Variants in CDK14 observed in about 807,000 individuals in gnomAD.
CDK14 encodes the protein cyclin-dependent kinase 14.
Under a neutral mutation model 60.7 loss-of-function variants are expected in CDK14, and 34 were observed. That is an observed-to-expected ratio of 0.56 (90% CI 0.43 to 0.75). CDK14 has a LOEUF of 0.75. Among genes scored for constraint, CDK14 ranks in the 30% least tolerant of loss-of-function variants. The probability of loss-of-function intolerance (pLI) is 0.00; values close to 1 mark genes in which losing one functional copy is unlikely to be tolerated. For synonymous variants in CDK14, 197 were observed against 203.7 expected, an observed-to-expected ratio of 0.97 and a Z score of 0.28; for missense variants, 482 against 564.1, an observed-to-expected ratio of 0.85 and a Z score of 1.47.
intron 10 of CDK14, among the ~76,000 whole-genome samples, chr7:91,036,820 T>A (rs765653683): frequency 6.6e-6 from 1 of 152,192 alleles, no homozygotes; most frequent in Non-Finnish European, 1.5e-5. Flanking sequence ...ATGGGAATTT[T>A]TGACTGTGCA....
chr7:90,763,199 A>G (rs34848311), intron 4 of CDK14, among the ~76,000 whole-genome samples: 4,798 of 152,314 alleles, frequency 0.032, 93 homozygotes, highest in Non-Finnish European at 0.049. Context: ...GGACAAATCC[A>G]CTATGGTGGT....
chr7:90,776,442 A>T (rs1215307954), intron 4 of CDK14, among the ~76,000 whole-genome samples: 1 of 152,222 alleles, frequency 6.6e-6, no homozygotes, highest in Non-Finnish European at 1.5e-5. Context: ...GGATGATTAA[A>T]GTCTCTCAAA....
Position 90,850,266 on chromosome 7 carries a change from C to T in CDK14, c.545-12909C>T, listed in dbSNP as rs533316832. Among the ~76,000 whole-genome samples, 5 of 152,248 alleles carry T rather than the reference C, an allele frequency of 3.3e-5. No homozygotes were observed. In the East Asian group the frequency reaches 9.6e-4, roughly 29 times the overall value. ...GCAATGCTAGATACTGTGCTCCTTGCAGTGATTTATGGAGGATCCTGTAAT... is the reference window on the plus strand; with the variant it reads ...GCAATGCTAGATACTGTGCTCCTTGTAGTGATTTATGGAGGATCCTGTAAT... On this transcript the variant is annotated intron_variant, in intron 5 of 14. Coordinates refer to ENST00000380050, the MANE Select transcript of CDK14 (RefSeq NM_001287135.2).
rs147505314 is a variant in CDK14, at chr7:90,960,470, G to T, written c.947+4653G>T. ...AATGAGATTGCATATTAAATCATCC[G>T]TTTCTCTATTACATCTCTGATTTAA... On this transcript the variant is annotated intron_variant, in intron 9 of 14. Transcript: ENST00000380050. Among the ~76,000 whole-genome samples, 118 of 152,110 alleles carry T rather than the reference G, an allele frequency of 7.8e-4. 1 individual carries two copies. The highest frequency in any genetic ancestry group is 1.1e-3 in the Admixed American group (17 of 15,260).
intron 2 of CDK14, among the ~76,000 whole-genome samples, chr7:90,719,722 A>G (rs890232622): frequency 3.3e-5 from 5 of 152,182 alleles, no homozygotes; most frequent in African/African-American, 1.2e-4. Flanking sequence ...ACTGGAAAAA[A>G]AAGTTTATTT....
At chr7:90,845,114 A>AT (rs975254761) in intron 5 of CDK14, among the ~76,000 whole-genome samples, 4 of 151,682 alleles carry the variant, frequency 2.6e-5, no homozygotes, top group African/African-American at 4.8e-5. Context: ...ATTTTTACTT[A>AT]TTTTTTTTCT....
intron 2 of CDK14, chr7:90,632,394 C>CT (rs1422432021): frequency 1.5e-5 from 4 of 273,848 alleles, no homozygotes; most frequent in South Asian, 4.5e-5. Context: ...GTGCCCTCTT[C>CT]TTTTTTGGAG....
intron 14 of CDK14, among the ~76,000 whole-genome samples, chr7:91,180,067 G>T (rs939227154): frequency 3.3e-5 from 5 of 152,178 alleles, no homozygotes; most frequent in Non-Finnish European, 5.9e-5. Flanking sequence ...TATAAGGGAA[G>T]TGCACTGGAA....
At chr7:91,084,788 C>T (rs1259049350) in intron 12 of CDK14, among the ~76,000 whole-genome samples, 1 of 152,208 alleles carries the variant, frequency 6.6e-6, no homozygotes, top group Non-Finnish European at 1.5e-5. Context: ...TTGGCAACAG[C>T]CATTGCTTTT....
intron 2 of CDK14, among the ~76,000 whole-genome samples, chr7:90,642,804 G>T (rs1012133256): frequency 1.3e-5 from 2 of 151,956 alleles, no homozygotes; most frequent in African/African-American, 2.4e-5. Context: ...CACAGTAAAC[G>T]TTTAAAGGTG....
intron 6 of CDK14, among the ~76,000 whole-genome samples, chr7:90,889,786 C>G (rs1792057758): frequency 1.3e-5 from 2 of 152,122 alleles, no homozygotes; most frequent in Non-Finnish European, 2.9e-5. Flanking sequence ...TAAGTCTATA[C>G]AGGAACAGTG....
In CDK14 at chr7:90,807,092, C is replaced by T. The variant is rs916692543; in HGVS notation, c.544+16440C>T. Among the ~76,000 whole-genome samples, 5 of 152,356 alleles carry T rather than the reference C, an allele frequency of 3.3e-5. No individual in the cohort carries two copies. In the South Asian group the frequency reaches 1.0e-3, roughly 32 times the overall value. On this transcript the variant is annotated intron_variant, in intron 5 of 14. Transcript: ENST00000380050. ...CAGAAACCTCTGCAGACTTAAATGT[C>T]CCTGTCTGACAGCTTTGAAGAGAGT...
chr7:90,748,577 A>G (rs1173051632), intron 4 of CDK14, among the ~76,000 whole-genome samples: 1 of 152,186 alleles, frequency 6.6e-6, no homozygotes, highest in Non-Finnish European at 1.5e-5. Context: ...CAAAATCTTT[A>G]TAGAAGATAG....
intron 2 of CDK14, among the ~76,000 whole-genome samples, chr7:90,611,467 T>C (rs565748462): frequency 2.4e-4 from 36 of 152,372 alleles, no homozygotes; most frequent in African/African-American, 7.2e-4. Context: ...TGCTATTGGC[T>C]GTACCAGCCA....
chr7:90,809,127 G>C lies in CDK14; in HGVS notation c.544+18475G>C, dbSNP rs145461364. On this transcript the variant is annotated intron_variant, in intron 5 of 14. Coordinates refer to ENST00000380050, the MANE Select transcript of CDK14 (RefSeq NM_001287135.2). ...AGCTCTACACCAAGTGGACCTAATA[G>C]ACATCTACAGAACTCTCCACCCCAA... Among the ~76,000 whole-genome samples, 691 of 152,214 alleles carry C rather than the reference G, an allele frequency of 4.5e-3. 7 individuals are homozygous for C. The highest frequency in any genetic ancestry group is 0.013 in the African/African-American group (557 of 41,536).
intron 10 of CDK14, among the ~76,000 whole-genome samples, chr7:91,003,021 G>A (rs559518441): frequency 1.3e-5 from 2 of 152,216 alleles, no homozygotes; most frequent in African/African-American, 4.8e-5. Context: ...ATAGTGAGCC[G>A]AGATCACGCC....
At chr7:90,861,723 C>G (rs1269647889) in intron 5 of CDK14, among the ~76,000 whole-genome samples, 1 of 152,092 alleles carries the variant, frequency 6.6e-6, no homozygotes, top group African/African-American at 2.4e-5. Context: ...CTTCTTCTTT[C>G]GTCTCCCAGT....
chr7:90,816,213 A>G (rs1283885813), intron 5 of CDK14, among the ~76,000 whole-genome samples: 3 of 152,174 alleles, frequency 2.0e-5, no homozygotes, highest in East Asian at 1.9e-4. Context: ...ATGAACAGAG[A>G]AAGACATAAC....
chr7:90,855,490 A>G (rs1229269267), intron 5 of CDK14, among the ~76,000 whole-genome samples: 1 of 152,206 alleles, frequency 6.6e-6, no homozygotes, highest in African/African-American at 2.4e-5. Flanking sequence ...AACAATTCAA[A>G]TGATGCAGAA....
Sources: gnomAD v4.1 joint callset for allele counts (sites outside exome capture counted in the v4.1 genomes callset) on GRCh38, gnomAD v4.1.1 for gene constraint, MANE v1.5 for transcripts, NCBI Gene and HGNC (gene_info 2026-07-23, HGNC 2026-07-21) for gene names.